Variants in NAPA observed in about 807,000 individuals in gnomAD.
NAPA encodes NSF attachment protein alpha.
Under a neutral mutation model 48.0 loss-of-function variants are expected in NAPA, and 18 were observed. The ratio of observed to expected loss-of-function variants is 0.38; its 90% CI spans 0.26 to 0.56. NAPA has a LOEUF of 0.56. Among genes scored for constraint, NAPA ranks in the 20% least tolerant of loss-of-function variants. NAPA has a pLI of 0.77. For missense variants in NAPA, 315 were observed against 385.0 expected, an observed-to-expected ratio of 0.82 and a Z score of 1.52; for synonymous variants, 152 against 149.9, an observed-to-expected ratio of 1.01 and a Z score of -0.10.
Position 47,493,645 on chromosome 19 carries a change from G to A in NAPA, c.343-152C>T. 1 of 676,530 alleles carries A rather than the reference G, an allele frequency of 1.5e-6. No homozygotes were observed. Among genetic ancestry groups the A allele is most frequent in the South Asian group, 1.7e-5 (1 of 60,260 alleles). The allele number at this position is 676,530 out of a possible 1,614,324, so 41.9% of individuals were successfully genotyped here. ...GTGTGAAGAAGATCGAGAGGTGGGG[G>A]AACACAGGAGTGAGAAGGGAGGGCC... is the stretch of plus-strand genomic sequence containing the variant. On this transcript the variant is annotated intron_variant, in intron 4 of 10. Transcript: ENST00000263354. This position sits in a 1 kb window ranked among gnomAD's most constrained non-coding sequence, Gnocchi z 6.4.
At chr19:47,514,819 C>CTT (rs1429058600) in intron 1 of NAPA, 24 bp downstream of exon 1, 1 of 1,607,482 alleles carries the variant, frequency 6.2e-7, no homozygotes, top group Non-Finnish European at 8.5e-7. Context: ...TAGGTCCCGG[C>CTT]CGACCCCTCA....
At position 47,506,641 on chromosome 19, in the gene NAPA, C is replaced by T. The variant is rs772706876; in HGVS notation, c.99-3139G>A. Among the ~76,000 whole-genome samples, 26 of 152,204 alleles carry T rather than the reference C, an allele frequency of 1.7e-4. No homozygotes were observed. The highest frequency in any genetic ancestry group is 2.6e-4 in the Non-Finnish European group (18 of 68,044). ...CAACAATGAGCAGAGTCAGCCCAGC[C>T]GGGTTTATTTCAGGACGGACACAAA... is the stretch of plus-strand genomic sequence containing the variant. On this transcript the variant is annotated intron_variant, in intron 1 of 10. Coordinates refer to ENST00000263354, the MANE Select transcript of NAPA (RefSeq NM_003827.4). This position sits in a 1 kb window ranked among gnomAD's most constrained non-coding sequence, Gnocchi z 4.0.
At position 47,493,387 on chromosome 19, in the gene NAPA, A is replaced by G. The variant is rs757600956; in HGVS notation, c.420+29T>C. 4.3e-6 allele frequency: 7 copies of G among 1,610,244 alleles called. No individual in the cohort carries two copies. The African/African-American group carries it at 9.4e-5, about 22-fold the overall frequency. ...GAGAGCAGCACTGGTCCTGGCTGCCAGCCCATGCAGGGCCCTGCTGCCACT... is the reference window on the plus strand; with the variant it reads ...GAGAGCAGCACTGGTCCTGGCTGCCGGCCCATGCAGGGCCCTGCTGCCACT... On this transcript the variant is annotated intron_variant, in intron 5 of 10. Transcript: ENST00000263354. The surrounding 1 kb of genome is among the most constrained non-coding windows in gnomAD (Gnocchi z 6.4).
downstream of NAPA, among the ~76,000 whole-genome samples, chr19:47,486,567 C>G (rs572921710): frequency 2.0e-5 from 3 of 152,286 alleles, no homozygotes; most frequent in East Asian, 5.8e-4. Flanking sequence ...TCCCAAAGTG[C>G]TACGATTACA....
rs74690100 is a variant in NAPA, at chr19:47,506,312, T to C, written c.99-2810A>G. Among the ~76,000 whole-genome samples the C allele has an allele frequency of 3.9e-4, 59 of 152,294 alleles. 1 individual carries two copies. The East Asian group carries it at 0.011, about 29-fold the overall frequency. On this transcript the variant is annotated intron_variant, in intron 1 of 10. Coordinates refer to ENST00000263354, the MANE Select transcript of NAPA (RefSeq NM_003827.4). This position sits in a 1 kb window ranked among gnomAD's most constrained non-coding sequence, Gnocchi z 4.0. ...CGTGCCCAGCCTGGAATGACTTCTT[T>C]AGAACCCATTCCTGGCCTTGGAGAG...
chr19:47,499,709 A>T (rs1448473719), intron 3 of NAPA, among the ~76,000 whole-genome samples: 1 of 152,258 alleles, frequency 6.6e-6, no homozygotes, highest in Admixed American at 6.5e-5. Context: ...AACACGTCAG[A>T]TCACGACAAA....
chr19:47,507,137 C>T (rs1968708358), intron 1 of NAPA, among the ~76,000 whole-genome samples: 1 of 152,198 alleles, frequency 6.6e-6, no homozygotes, highest in Non-Finnish European at 1.5e-5. Context: ...CTCTGCTTCA[C>T]TCCTCCCATC....
At chr19:47,486,265 G>T (rs772730412), downstream of NAPA, among the ~76,000 whole-genome samples, 1 of 152,084 alleles carries the variant, frequency 6.6e-6, no homozygotes, top group Non-Finnish European at 1.5e-5. Flanking sequence ...TGAGGCAGGA[G>T]AATCGCTTGA....
chr19:47,512,030 G>A (rs754302274), intron 1 of NAPA, among the ~76,000 whole-genome samples: 9 of 152,196 alleles, frequency 5.9e-5, no homozygotes, highest in Admixed American at 2.0e-4. Context: ...CTCACCTGCC[G>A]CTTCCACCTT....
chr19:47,510,281 G>C (rs992393448), intron 1 of NAPA, among the ~76,000 whole-genome samples: 4 of 152,180 alleles, frequency 2.6e-5, no homozygotes, highest in Admixed American at 2.0e-4. Flanking sequence ...GCCCTCCCAG[G>C]GTCCCGCCGT....
intron 8 of NAPA, 36 bp from the exon 9 acceptor site, chr19:47,490,892 C>G: frequency 6.3e-7 from 1 of 1,593,310 alleles, no homozygotes; most frequent in Non-Finnish European, 8.6e-7. Context: ...GAGTTAGTAA[C>G]AAGAGGGTCC....
rs1968128795 is a variant in NAPA at position 47,488,234 on chromosome 19, C to T, written c.*54G>A. On this transcript the variant is annotated 3_prime_UTR_variant, in exon 11 of 11. Transcript: ENST00000263354. Reference sequence around the variant, plus strand: ...AGCTCTCCAGCAAGTCTCGGCCCCACCTCTCTCTGAGCAGATGGGACAGGA... The same window carrying T: ...AGCTCTCCAGCAAGTCTCGGCCCCATCTCTCTCTGAGCAGATGGGACAGGA... 1 of 1,500,128 alleles carries T rather than the reference C, an allele frequency of 6.7e-7. No homozygotes were observed. Among genetic ancestry groups the T allele is most frequent in the Non-Finnish European group, 9.2e-7 (1 of 1,089,986 alleles). 92.9% of individuals were successfully genotyped at this position (1,500,128 alleles called of 1,614,324 possible). A position where few individuals can be genotyped will look rare whatever the true frequency, so the allele number is the denominator to read the frequency against.
rs1202507513 is a variant in NAPA, at chr19:47,492,532, C to T, written c.562-413G>A. 3 of 385,954 alleles carry T rather than the reference C, an allele frequency of 7.8e-6. No individual in the cohort carries two copies. In the East Asian group the frequency reaches 1.9e-4, roughly 24 times the overall value. The allele number at this position is 385,954 out of a possible 1,614,324, so 23.9% of individuals were successfully genotyped here. On this transcript the variant is annotated intron_variant, in intron 7 of 10. Transcript: ENST00000263354. ...AGCTGCCTGCCTTTTTCTCGGCCATCACCCAGGGCTCCGTGCACGCTGGGG... is the reference window on the plus strand; with the variant it reads ...AGCTGCCTGCCTTTTTCTCGGCCATTACCCAGGGCTCCGTGCACGCTGGGG...
At chr19:47,499,425 C>A (rs1968516162) in intron 3 of NAPA, among the ~76,000 whole-genome samples, 1 of 152,200 alleles carries the variant, frequency 6.6e-6, no homozygotes, top group South Asian at 2.1e-4. Context: ...CATGGAGACT[C>A]CATGTGGTGA....
rs747497593 is a variant in NAPA, at chr19:47,506,600, G to A, written c.99-3098C>T. On this transcript the variant is annotated intron_variant, in intron 1 of 10. Coordinates refer to ENST00000263354, the MANE Select transcript of NAPA (RefSeq NM_003827.4). The surrounding 1 kb of genome is among the most constrained non-coding windows in gnomAD (Gnocchi z 4.0). ...CAGAAATGACCCACGTCACTGAGTG[G>A]CCCACAGCGGGCAATCAACAATGAG... is the stretch of plus-strand genomic sequence containing the variant. Among the ~76,000 whole-genome samples, 1 of 152,208 alleles carries A rather than the reference G, an allele frequency of 6.6e-6. No individual in the cohort carries two copies. The highest frequency in any genetic ancestry group is 1.5e-5 in the Non-Finnish European group (1 of 68,040).
At position 47,493,304 on chromosome 19, in the gene NAPA, G is replaced by A. The variant is rs922408178; in HGVS notation, c.420+112C>T. On this transcript the variant is annotated intron_variant, in intron 5 of 10. Coordinates refer to ENST00000263354, the MANE Select transcript of NAPA (RefSeq NM_003827.4). This position sits in a 1 kb window ranked among gnomAD's most constrained non-coding sequence, Gnocchi z 6.4. ...ACCCCATTCTCCAAGCTCTGCCGGC[G>A]CCCCATGCCCCCTTCTCGGCACTCA... The A allele has an allele frequency of 4.9e-5, 72 of 1,478,752 alleles. No homozygotes were observed. Among genetic ancestry groups the A allele is most frequent in the Middle Eastern group, 1.7e-4 (1 of 5,734 alleles). The allele number at this position is 1,478,752 out of a possible 1,614,324, so 91.6% of individuals were successfully genotyped here.
downstream of NAPA, among the ~76,000 whole-genome samples, chr19:47,486,122 A>G (rs1968069405): frequency 6.6e-6 from 1 of 152,176 alleles, no homozygotes; most frequent in Admixed American, 6.5e-5. Context: ...TTGGAAGCTG[A>G]GGCAGGCGGA....
chr19:47,500,947 G>A (rs544624669), intron 2 of NAPA, among the ~76,000 whole-genome samples, 198 bp from the exon 3 acceptor site: 2 of 152,278 alleles, frequency 1.3e-5, no homozygotes, highest in Admixed American at 1.3e-4. Context: ...AGGTCTGCTG[G>A]CTCCTGCGCT....
intron 2 of NAPA, among the ~76,000 whole-genome samples, chr19:47,503,025 A>ATT (rs1484421688): frequency 6.6e-6 from 1 of 152,254 alleles, no homozygotes; most frequent in Admixed American, 6.5e-5. Context: ...AGGACTCAAC[A>ATT]AACAGCAGCC....
Sources: gnomAD v4.1 joint callset for allele counts (sites outside exome capture counted in the v4.1 genomes callset) on GRCh38, gnomAD v4.1.1 for gene constraint, Gnocchi (gnomAD v3.1) non-coding constraint, MANE v1.5 for transcripts, NCBI Gene and HGNC (gene_info 2026-07-23, HGNC 2026-07-21) for gene names.